The following FMN1 variants were observed in gnomAD, a reference collection of about 807,000 sequenced individuals.
FMN1 encodes the protein formin-1.
In FMN1, 110 loss-of-function variants were observed where a neutral mutation model predicts 132.4. The ratio of observed to expected loss-of-function variants is 0.83; its 90% CI spans 0.71 to 0.97. FMN1 has a LOEUF of 0.97. FMN1 is among the 50% of genes least tolerant of loss of function. The probability of loss-of-function intolerance (pLI) is 0.00; values close to 1 mark genes in which losing one functional copy is unlikely to be tolerated. For synonymous variants in FMN1, 722 were observed against 651.7 expected (o/e 1.11, Z -1.64); for missense variants, 1,792 against 1,705.3 (o/e 1.05, Z -0.90).
At chr15:33,041,354 T>G (rs2036425150) in intron 6 of FMN1, among the ~76,000 whole-genome samples, 1 of 149,760 alleles carries the variant, frequency 6.7e-6, no homozygotes, top group Non-Finnish European at 1.5e-5. Context: ...TACTATTCAC[T>G]TCTTGTTCAG....
At position 33,150,737 on chromosome 15, in the gene FMN1, A is replaced by T. The variant is rs1964407873; in HGVS notation, c.1867+2311T>A. 5 of 985,522 alleles carry T rather than the reference A, an allele frequency of 5.1e-6. No individual in the cohort carries two copies. In the South Asian group the frequency reaches 1.4e-4, roughly 28 times the overall value. The allele number at this position is 985,522 out of a possible 1,614,324, so 61.0% of individuals were successfully genotyped here. ...ATCTCTTTCTTAAGCAGTTAATGAG[A>T]GCTTTCAATAATCTTAATGACATCA... On this transcript the variant is annotated intron_variant, in intron 4 of 20. Transcript: ENST00000616417.
intron 9 of FMN1, among the ~76,000 whole-genome samples, chr15:32,949,354 A>C (rs2061574846): frequency 6.6e-6 from 1 of 152,136 alleles, no homozygotes; most frequent in African/African-American, 2.4e-5. Context: ...CACATAGACC[A>C]AGTGAACAGA....
At chr15:32,825,990 G>A (rs919756229) in intron 17 of FMN1, among the ~76,000 whole-genome samples, 8 of 152,200 alleles carry the variant, frequency 5.3e-5, no homozygotes, top group African/African-American at 1.7e-4. Flanking sequence ...GTTTTGAGAG[G>A]TCAAACAACA....
At chr15:33,027,298 G>A (rs1385403544) in intron 6 of FMN1, among the ~76,000 whole-genome samples, 1 of 151,782 alleles carries the variant, frequency 6.6e-6, no homozygotes, top group African/African-American at 2.4e-5. Context: ...AGGGTGCTCA[G>A]TTAAATGTAA....
chr15:32,894,199 C>CA, intron 15 of FMN1, among the ~76,000 whole-genome samples: 1 of 152,160 alleles, frequency 6.6e-6, no homozygotes, highest in South Asian at 2.1e-4. Context: ...AAAAAAGAGA[C>CA]AATGGCCAGG....
At chr15:32,816,462 A>G (rs2058061915) in intron 17 of FMN1, among the ~76,000 whole-genome samples, 1 of 152,156 alleles carries the variant, frequency 6.6e-6, no homozygotes, top group African/African-American at 2.4e-5. Flanking sequence ...GGTTAAGAGG[A>G]TTTTTGTTTT....
intron 5 of FMN1, among the ~76,000 whole-genome samples, chr15:33,071,573 A>G (rs2141279692): frequency 6.6e-6 from 1 of 152,352 alleles, no homozygotes; most frequent in South Asian, 2.1e-4. Flanking sequence ...TACAGACTGT[A>G]ACCAAGGACT....
intron 7 of FMN1, among the ~76,000 whole-genome samples, chr15:32,980,388 C>A (rs1275344099): frequency 6.6e-6 from 1 of 151,512 alleles, no homozygotes; most frequent in African/African-American, 2.4e-5. Context: ...TAACCTTAAA[C>A]TTGCTTTATA....
At chr15:32,852,520 C>T (rs1451645515) in intron 17 of FMN1, among the ~76,000 whole-genome samples, 2 of 152,154 alleles carry the variant, frequency 1.3e-5, no homozygotes, top group Admixed American at 1.3e-4. Context: ...GCTGAGACTA[C>T]AGGCGCCACC....
intron 4 of FMN1, among the ~76,000 whole-genome samples, chr15:33,094,917 A>G (rs377013562): frequency 1.2e-4 from 18 of 152,328 alleles, no homozygotes; most frequent in African/African-American, 4.1e-4. Context: ...AAGATCAAGG[A>G]AAGAACAAAT....
intron 7 of FMN1, among the ~76,000 whole-genome samples, chr15:32,977,486 G>T (rs1340481864): frequency 6.6e-6 from 1 of 152,192 alleles, no homozygotes; most frequent in African/African-American, 2.4e-5. Flanking sequence ...AAAGCATTGG[G>T]TTCAAAGACT....
Position 32,795,545 on chromosome 15 carries a change from C to A in FMN1, c.4130+3259G>T, listed in dbSNP as rs555770825. Among the ~76,000 whole-genome samples the A allele has an allele frequency of 2.0e-5, 3 of 150,232 alleles. No individual in the cohort carries two copies. The East Asian group carries it at 5.8e-4, about 29-fold the overall frequency. On this transcript the variant is annotated intron_variant, in intron 19 of 20. Transcript: ENST00000616417. ...TTTACAGATGTGACAATCGGGTTCC[C>A]AGTGAATAAGTGACTGGCCCAAGAT...
chr15:32,806,838 A>T (rs1228120525), intron 17 of FMN1, among the ~76,000 whole-genome samples: 3 of 152,130 alleles, frequency 2.0e-5, no homozygotes, highest in Non-Finnish European at 4.4e-5. Context: ...TCCGTAAATA[A>T]AAGACCATCC....
intron 9 of FMN1, among the ~76,000 whole-genome samples, chr15:32,945,213 C>T (rs147128162): frequency 5.9e-5 from 9 of 152,224 alleles, no homozygotes; most frequent in African/African-American, 2.2e-4. Context: ...GCACTTAGCA[C>T]GGTGCCAATA....
chr15:33,073,797 C>T (rs1453643359), intron 5 of FMN1, among the ~76,000 whole-genome samples: 1 of 150,310 alleles, frequency 6.7e-6, no homozygotes, highest in African/African-American at 2.5e-5. Flanking sequence ...GTGGCACAAT[C>T]ACTGCTCAGG....
chr15:32,829,017 C>G (rs963555388), intron 17 of FMN1, among the ~76,000 whole-genome samples: 2 of 152,132 alleles, frequency 1.3e-5, no homozygotes, highest in Non-Finnish European at 2.9e-5. Flanking sequence ...AGGAAAGACA[C>G]TGGTGGATGG....
chr15:33,159,357 AGAT>A (rs1355715066), intron 3 of FMN1, among the ~76,000 whole-genome samples: 13 of 152,246 alleles, frequency 8.5e-5, no homozygotes, highest in African/African-American at 2.9e-4. Context: ...CAGGGGAAGA[AGAT>A]GAATTCAGTT....
rs576472052 is a variant in FMN1 at position 33,040,507 on chromosome 15, T to C, written c.2161+24450A>G. 1.4e-3 allele frequency among the ~76,000 whole-genome samples: 216 copies of C among 152,322 alleles called. 1 individual carries two copies. The highest frequency in any genetic ancestry group is 5.0e-3 in the African/African-American group (209 of 41,560). Reference sequence around the variant, plus strand: ...TAGTAGATGCTTAGTAAATATTTGCTACATAAATGATTATTATTTATAACA... The same window carrying C: ...TAGTAGATGCTTAGTAAATATTTGCCACATAAATGATTATTATTTATAACA... On this transcript the variant is annotated intron_variant, in intron 6 of 20. Transcript: ENST00000616417.
chr15:32,964,105 A>AC lies in FMN1; in HGVS notation c.3138+1dup. ...TACAGCTTTGCCATAATCACTCAGT[A>AC]CCTTTTTGACCTTGTTTTTCTTCTC... On this transcript the variant is annotated splice_donor_variant, in intron 9 of 20. Transcript: ENST00000616417. LOFTEE classifies it high-confidence loss of function. 6.2e-7 allele frequency: 1 copy of AC among 1,607,770 alleles called. No homozygotes were observed. The highest frequency in any genetic ancestry group is 1.7e-4 in the Middle Eastern group (1 of 6,028).
Sources: gnomAD v4.1 joint callset for allele counts (sites outside exome capture counted in the v4.1 genomes callset) on GRCh38, gnomAD v4.1.1 for gene constraint, MANE v1.5 for transcripts, NCBI Gene and HGNC (gene_info 2026-07-23, HGNC 2026-07-21) for gene names.